The following CSMD1 variants were observed in gnomAD, a reference collection of about 807,000 sequenced individuals.
CSMD1 encodes the protein CUB and sushi domain-containing protein 1.
Under a neutral mutation model 417.5 loss-of-function variants are expected in CSMD1, and 213 were observed. The ratio of observed to expected loss-of-function variants is 0.51; its 90% CI spans 0.46 to 0.57. CSMD1 has a LOEUF of 0.57. CSMD1 is among the 20% of genes least tolerant of loss of function. The probability of loss-of-function intolerance (pLI) is 0.00; values close to 1 mark genes in which losing one functional copy is unlikely to be tolerated. For synonymous variants in CSMD1, 2,862 were observed against 1,736.8 expected, an observed-to-expected ratio of 1.65 and a Z score of -16.11; for missense variants, 6,923 against 4,529.7, an observed-to-expected ratio of 1.53 and a Z score of -15.17.
chr8:4,586,733 G>C (rs957596780), intron 2 of CSMD1, among the ~76,000 whole-genome samples: 14 of 152,268 alleles, frequency 9.2e-5, no homozygotes, highest in Non-Finnish European at 1.6e-4. Flanking sequence ...CTGTGAGAGA[G>C]ATCCTCCATG....
chr8:4,057,911 G>A lies in CSMD1; in HGVS notation c.416-25812C>T, dbSNP rs186282054. 1.4e-3 allele frequency among the ~76,000 whole-genome samples: 211 copies of A among 151,950 alleles called. 1 individual carries two copies. The highest frequency in any genetic ancestry group is 4.8e-3 in the African/African-American group (199 of 41,448). The stretch of plus-strand genomic sequence containing the variant: ...GATCTATATCTCTGTTTTGGTACCA[G>A]TACCATGCTGTTTTGGTTCCTGTAG... On this transcript the variant is annotated intron_variant, in intron 3 of 69. Coordinates refer to ENST00000635120, the MANE Select transcript of CSMD1 (RefSeq NM_033225.6).
chr8:3,912,723 C>T (rs949692407), intron 5 of CSMD1, among the ~76,000 whole-genome samples: 2 of 152,066 alleles, frequency 1.3e-5, no homozygotes, highest in East Asian at 1.9e-4. Flanking sequence ...ATGAAATGTC[C>T]AAGATGAGCC....
At chr8:3,081,406 A>G (rs1210334321) in intron 49 of CSMD1, among the ~76,000 whole-genome samples, 3 of 152,250 alleles carry the variant, frequency 2.0e-5, no homozygotes, top group African/African-American at 4.8e-5. Context: ...AAATAGATCA[A>G]TATAGATTTT....
chr8:3,457,101 C>T (rs1350692842), intron 12 of CSMD1, among the ~76,000 whole-genome samples: 2 of 151,628 alleles, frequency 1.3e-5, no homozygotes, highest in African/African-American at 2.4e-5. Flanking sequence ...CTGGACCCCT[C>T]CCTCTGAATC....
At chr8:3,375,086 C>T (rs1810221327) in intron 18 of CSMD1, 1 of 152,144 alleles carries the variant, frequency 6.6e-6, no homozygotes. Context: ...CTCCACGGTG[C>T]CCAACTGTAA....
intron 8 of CSMD1, among the ~76,000 whole-genome samples, chr8:3,592,113 T>C (rs1021211969): frequency 6.6e-6 from 1 of 152,096 alleles, no homozygotes; most frequent in African/African-American, 2.4e-5. Flanking sequence ...GATGGATAGA[T>C]ACATAGATGG....
chr8:4,931,505 T>C (rs141158496), intron 1 of CSMD1, among the ~76,000 whole-genome samples: 2,078 of 152,282 alleles, frequency 0.014, 40 homozygotes, highest in African/African-American at 0.048. Context: ...TATTATGTTA[T>C]GTATCCATGA....
chr8:3,998,826 T>A (rs1301933276), intron 4 of CSMD1, among the ~76,000 whole-genome samples: 1 of 151,160 alleles, frequency 6.6e-6, no homozygotes, highest in South Asian at 2.1e-4. Flanking sequence ...GTTACATTTA[T>A]TTTATCTATT....
chr8:4,426,447 A>G (rs2128943724), intron 2 of CSMD1, among the ~76,000 whole-genome samples: 1 of 148,470 alleles, frequency 6.7e-6, no homozygotes, highest in South Asian at 2.1e-4. Flanking sequence ...TATAGAGCAT[A>G]TATAGTAAAC....
chr8:3,914,657 C>T (rs1163945413), intron 5 of CSMD1, among the ~76,000 whole-genome samples: 5 of 152,088 alleles, frequency 3.3e-5, no homozygotes, highest in African/African-American at 7.2e-5. Flanking sequence ...ACCTAGTCCA[C>T]GTTAGTATGC....
chr8:3,515,791 G>T (rs911751444), intron 10 of CSMD1, among the ~76,000 whole-genome samples: 1 of 152,226 alleles, frequency 6.6e-6, no homozygotes. Flanking sequence ...CATGTAGGAA[G>T]TGTCAGTCAT....
At chr8:3,576,595 G>C (rs1800160998) in intron 9 of CSMD1, among the ~76,000 whole-genome samples, 1 of 152,134 alleles carries the variant, frequency 6.6e-6, no homozygotes, top group South Asian at 2.1e-4. Context: ...TTAAAATGCT[G>C]GCATTTACTG....
At chr8:4,397,560 A>C in intron 3 of CSMD1, among the ~76,000 whole-genome samples, 1 of 119,002 alleles carries the variant, frequency 8.4e-6, no homozygotes, top group African/African-American at 3.3e-5. Flanking sequence ...TTTGAGACGG[A>C]ATCTTGCTCT....
chr8:4,384,714 G>A (rs563716109), intron 3 of CSMD1, among the ~76,000 whole-genome samples: 10 of 152,012 alleles, frequency 6.6e-5, no homozygotes, highest in Non-Finnish European at 1.0e-4. Flanking sequence ...GCCAAGGCAC[G>A]TGCACACACT....
intron 52 of CSMD1, among the ~76,000 whole-genome samples, chr8:3,002,960 G>T (rs941003317): frequency 6.6e-6 from 1 of 152,188 alleles, no homozygotes; most frequent in Non-Finnish European, 1.5e-5. Flanking sequence ...TTATGTATCA[G>T]CAGGATTGCC....
At chr8:4,768,512 G>T (rs1442514181) in intron 1 of CSMD1, among the ~76,000 whole-genome samples, 1 of 152,180 alleles carries the variant, frequency 6.6e-6, no homozygotes, top group Non-Finnish European at 1.5e-5. Context: ...TGAGTTATTT[G>T]GGATGAAACT....
In CSMD1 at chr8:4,105,941, C is replaced by A. The variant is rs1801545607; in HGVS notation, c.416-73842G>T. Among the ~76,000 whole-genome samples, 5 of 152,162 alleles carry A rather than the reference C, an allele frequency of 3.3e-5. No individual in the cohort carries two copies. In the South Asian group the frequency reaches 1.0e-3, roughly 32 times the overall value. ...CCCAAGGTTCGGTGCGTCCTGAATA[C>A]CTGACCTGAATTAGCCACAAGTCCC... is the stretch of plus-strand genomic sequence containing the variant. On this transcript the variant is annotated intron_variant, in intron 3 of 69. Coordinates refer to ENST00000635120, the MANE Select transcript of CSMD1 (RefSeq NM_033225.6).
chr8:3,316,572 C>T (rs560127479), intron 23 of CSMD1, among the ~76,000 whole-genome samples: 1 of 152,224 alleles, frequency 6.6e-6, no homozygotes, highest in South Asian at 2.1e-4. Context: ...CTCCTGGACG[C>T]CATCCACTCA....
intron 3 of CSMD1, among the ~76,000 whole-genome samples, chr8:4,414,865 C>T (rs1224359531): frequency 6.6e-6 from 1 of 152,152 alleles, no homozygotes; most frequent in Non-Finnish European, 1.5e-5. Context: ...AGAGAGTAGG[C>T]ATATGAGGTG....
Sources: gnomAD v4.1 joint callset for allele counts (sites outside exome capture counted in the v4.1 genomes callset) on GRCh38, gnomAD v4.1.1 for gene constraint, MANE v1.5 for transcripts, NCBI Gene and HGNC (gene_info 2026-07-23, HGNC 2026-07-21) for gene names.